Variants in F11 observed in about 807,000 individuals in gnomAD.
F11 encodes the protein coagulation factor XI.
Under a neutral mutation model 76.5 loss-of-function variants are expected in F11, and 78 were observed. The ratio of observed to expected loss-of-function variants is 1.02; its 90% CI spans 0.85 to 1.23. The LOEUF is 1.23. F11 is among the 50% of genes most tolerant of loss of function. The probability of loss-of-function intolerance (pLI) is 0.00; values close to 1 mark genes in which losing one functional copy is unlikely to be tolerated. For missense variants in F11, 742 were observed against 771.4 expected (o/e 0.96, Z 0.45); for synonymous variants, 278 against 276.3 (o/e 1.01, Z -0.06).
At chr4:186,274,393 A>T in intron 5 of F11, 118 bp downstream of exon 5, 1 of 1,295,178 alleles carries the variant, frequency 7.7e-7, no homozygotes, top group Non-Finnish European at 1.1e-6. Flanking sequence ...AGACATTTCT[A>T]TAATAGTACT....
intron 10 of F11, chr4:186,283,216 T>C (rs1395659114): frequency 1.2e-5 from 2 of 168,800 alleles, no homozygotes; most frequent in African/African-American, 4.9e-5. Flanking sequence ...TGTGTGCGTG[T>C]GTGTGCGCAT....
Position 186,267,147 on chromosome 4 carries a change from TATATC to T in F11, c.13_17del (p.Tyr5SerfsTer13). 6.3e-7 allele frequency: 1 copy of T among 1,575,350 alleles called. No homozygotes were observed. The highest frequency in any genetic ancestry group is 1.1e-5 in the South Asian group (1 of 90,260). ...TTTTCTCATTGTAGGATGATTTTCT[TATATC>T]AAGTGGTACATTTCATTTTATTTAC... On this transcript the variant is annotated frameshift_variant, in exon 2 of 15. Transcript: ENST00000403665. LOFTEE classifies it high-confidence loss of function.
intron 10 of F11, 100 bp from the exon 11 acceptor site, chr4:186,283,992 A>G: frequency 1.3e-6 from 2 of 1,584,200 alleles, no homozygotes; most frequent in Non-Finnish European, 1.7e-6. Flanking sequence ...ATGATAAACT[A>G]TTGACTTGAG....
chr4:186,268,537 G>A (rs575738075), intron 2 of F11, among the ~76,000 whole-genome samples: 9 of 151,980 alleles, frequency 5.9e-5, no homozygotes, highest in Admixed American at 2.0e-4. Context: ...TTCAATCACC[G>A]TGAATGGGAG....
chr4:186,277,099 G>A (rs1268384011), intron 7 of F11, among the ~76,000 whole-genome samples: 1 of 152,012 alleles, frequency 6.6e-6, no homozygotes, highest in Non-Finnish European at 1.5e-5. Flanking sequence ...TCATTCCACT[G>A]TCTCTGTGCC....
chr4:186,284,442 G>A lies in F11; in HGVS notation c.1304+182G>A, dbSNP rs186445580. On this transcript the variant is annotated intron_variant, in intron 11 of 14. Transcript: ENST00000403665. The stretch of plus-strand genomic sequence containing the variant: ...TCATGGTCTCCCAGCATCAGAACAG[G>A]TGCAGGTACAAGGCTGCTTGACTGC... Among the ~76,000 whole-genome samples, 15 of 152,218 alleles carry A rather than the reference G, an allele frequency of 9.9e-5. No individual in the cohort carries two copies. The East Asian group carries it at 2.9e-3, about 29-fold the overall frequency.
At chr4:186,278,342 C>T (rs892870195) in intron 7 of F11, among the ~76,000 whole-genome samples, 3 of 152,114 alleles carry the variant, frequency 2.0e-5, no homozygotes, top group East Asian at 1.9e-4. Context: ...ATTTCAGAAG[C>T]ACCGGGTCTG....
In F11 at chr4:186,289,300, GA is replaced by G. The variant is rs888733440; in HGVS notation, c.*691del. Among the ~76,000 whole-genome samples the G allele has an allele frequency of 4.6e-5, 7 of 152,178 alleles. No homozygotes were observed. The highest frequency in any genetic ancestry group is 1.0e-4 in the Non-Finnish European group (7 of 68,030). On this transcript the variant is annotated 3_prime_UTR_variant, in exon 15 of 15. Coordinates refer to ENST00000403665, the MANE Select transcript of F11 (RefSeq NM_000128.4). ...GGCAATCTTGAAGATACACTTTCCT[GA>G]AAAATGATTTGTGATGGATTGTATA...
At chr4:186,286,288 C>T in intron 12 of F11, 127 bp from the exon 13 acceptor site, 1 of 963,478 alleles carries the variant, frequency 1.0e-6, no homozygotes, top group Non-Finnish European at 1.6e-6. Context: ...AAATACACGA[C>T]AACAAGGCAA....
intron 7 of F11, among the ~76,000 whole-genome samples, chr4:186,279,182 G>A (rs1740596497): frequency 6.6e-6 from 1 of 152,152 alleles, no homozygotes; most frequent in South Asian, 2.1e-4. Context: ...AGGAGTACGA[G>A]ACCATCCTGG....
Position 186,276,338 on chromosome 4 carries a change from G to T in F11, c.703G>T (p.Gly235Cys), listed in dbSNP as rs762316798. The T allele has an allele frequency of 1.2e-6, 2 of 1,613,868 alleles. No homozygotes were observed. The highest frequency in any genetic ancestry group is 1.7e-6 in the Non-Finnish European group (2 of 1,180,008). The change falls in exon 7 of 15, where the codon GGT becomes TGT. Residue 235 changes from glycine to cysteine, a missense_variant. Gly to Cys is a radical substitution (Grantham distance 159). Coordinates refer to ENST00000403665, the MANE Select transcript of F11 (RefSeq NM_000128.4). ...VCGRICTHHP[G>C]CLFFTFFSQE... ...TGGCCGAATCTGCACTCATCATCCC[G>T]GTTGCTTGTTTTTTACCTTCTTTTC...
At chr4:186,276,139 A>C (rs1239972248) in intron 6 of F11, 92 bp from the exon 7 acceptor site, 2 of 1,469,002 alleles carry the variant, frequency 1.4e-6, no homozygotes, top group East Asian at 2.3e-5. Flanking sequence ...GATACACTTA[A>C]ATTTTTTAAT....
At chr4:186,287,884 T>G (rs1274543695) in intron 14 of F11, 61 bp downstream of exon 14, 3 of 1,566,012 alleles carry the variant, frequency 1.9e-6, no homozygotes, top group Non-Finnish European at 2.6e-6. Flanking sequence ...TGCGTTGGGG[T>G]TTTTTTGTTT....
chr4:186,284,623 A>ATGTGTGTG (rs34783500), intron 11 of F11, among the ~76,000 whole-genome samples: 3 of 150,292 alleles, frequency 2.0e-5, no homozygotes, highest in Non-Finnish European at 3.0e-5. Context: ...AATTTCTAAT[A>ATGTGTGTG]TGTGTGTGTG....
chr4:186,275,739 C>G, intron 5 of F11, 48 bp from the exon 6 acceptor site: 1 of 1,375,684 alleles, frequency 7.3e-7, no homozygotes, highest in Non-Finnish European at 1.0e-6. Flanking sequence ...GTTTTTTCCT[C>G]CTTGCAGTTG....
chr4:186,271,733 T>C lies in F11; in HGVS notation c.180T>C (p.Thr60=), dbSNP rs2126720720. The C allele has an allele frequency of 1.4e-5, 22 of 1,614,190 alleles. No individual in the cohort carries two copies. Among genetic ancestry groups the C allele is most frequent in the Non-Finnish European group, 1.9e-5 (22 of 1,180,020 alleles). ...ACCACCCAAGATGTTTACTCTTCAC[T>C]TTCACGGCGGAATCACCATCTGAGG... ...CTYHPRCLLF[T]FTAESPSEDP... is the part of the protein sequence containing the mutation. The change falls in exon 3 of 15, where the codon ACT becomes ACC. Residue 60 remains threonine, a synonymous_variant. Transcript: ENST00000403665.
rs4253840 is a variant in F11 at position 186,275,606 on chromosome 4, C to T, written c.486-181C>T. ...GTCATTATACTGAAGAAGAAATAAA[C>T]TTACACAATTCACAGGTGCTTAGCA... On this transcript the variant is annotated intron_variant, in intron 5 of 14. Coordinates refer to ENST00000403665, the MANE Select transcript of F11 (RefSeq NM_000128.4). Among the ~76,000 whole-genome samples the T allele has an allele frequency of 0.02, 3,087 of 152,258 alleles. 117 individuals carry two copies. The highest frequency in any genetic ancestry group is 0.071 in the African/African-American group (2,930 of 41,536).
rs765824383 is a variant in F11, at chr4:186,287,712, C to T, written c.1605C>T (p.Ala535=). The change falls in exon 14 of 15, where the codon GCC becomes GCT. Residue 535 remains alanine, a synonymous_variant. Coordinates refer to ENST00000403665, the MANE Select transcript of F11 (RefSeq NM_000128.4). ...RDKIQNTLQK[A]KIPLVTNEEC... is the part of the protein sequence containing the mutation. ...AAATACAAAATACTCTCCAGAAAGC[C>T]AAGATACCCTTAGTGACCAACGAAG... 1.2e-5 allele frequency: 19 copies of T among 1,613,052 alleles called. No homozygotes were observed. Among genetic ancestry groups the T allele is most frequent in the Non-Finnish European group, 1.6e-5 (19 of 1,179,528 alleles).
chr4:186,269,224 A>G (rs1359411381), intron 2 of F11, among the ~76,000 whole-genome samples: 1 of 152,230 alleles, frequency 6.6e-6, no homozygotes, highest in Non-Finnish European at 1.5e-5. Context: ...TTCAAAAATC[A>G]ATAGATGTGT....
Sources: allele counts gnomAD v4.1 joint callset (sites outside exome capture counted in the v4.1 genomes callset), GRCh38; gene constraint gnomAD v4.1.1; transcripts MANE v1.5; gene names NCBI Gene and HGNC (gene_info 2026-07-23, HGNC 2026-07-21).